The following DOCK7 variants were observed in gnomAD, a reference collection of about 807,000 sequenced individuals.
DOCK7 encodes the protein dedicator of cytokinesis protein 7.
Under a neutral mutation model 271.0 loss-of-function variants are expected in DOCK7, and 138 were observed. The observed-to-expected ratio is 0.51, with a 90% CI of 0.44 to 0.59. The LOEUF is 0.59. Ranked by LOEUF, DOCK7 falls within the 20% of genes least tolerant of loss-of-function variation. The probability of loss-of-function intolerance (pLI) is 0.00; values close to 1 mark genes in which losing one functional copy is unlikely to be tolerated. For missense variants in DOCK7, 2,066 were observed against 2,592.4 expected (o/e 0.80, Z 4.41); for synonymous variants, 823 against 876.1 (o/e 0.94, Z 1.07).
At chr1:62,604,554 G>A in intron 14 of DOCK7, 1 of 1,430,222 alleles carries the variant, frequency 7.0e-7, no homozygotes, top group Non-Finnish European at 9.8e-7. Flanking sequence ...AAGAAAGGAA[G>A]ATAAACTTAC....
chr1:62,522,458 T>C (rs1644879373), intron 31 of DOCK7, among the ~76,000 whole-genome samples: 1 of 152,056 alleles, frequency 6.6e-6, no homozygotes, highest in African/African-American at 2.4e-5. Flanking sequence ...TCAATGAATG[T>C]GGAAAAAGCA....
chr1:62,660,016 T>A (rs1266737233), intron 2 of DOCK7, among the ~76,000 whole-genome samples: 1 of 152,170 alleles, frequency 6.6e-6, no homozygotes, highest in Non-Finnish European at 1.5e-5. Context: ...TTTCTGCAGA[T>A]TCTAGAAAAT....
chr1:62,620,811 G>A (rs1653105931), intron 12 of DOCK7, among the ~76,000 whole-genome samples: 1 of 149,330 alleles, frequency 6.7e-6, no homozygotes, highest in Admixed American at 6.7e-5. Flanking sequence ...GTGAACTCGG[G>A]AGGCGGAGCT....
chr1:62,587,381 A>C (rs1036642803), intron 14 of DOCK7, among the ~76,000 whole-genome samples: 1 of 150,774 alleles, frequency 6.6e-6, no homozygotes, highest in African/African-American at 2.4e-5. Flanking sequence ...CAAGACGTTT[A>C]GTATAATAGA....
At position 62,509,622 on chromosome 1, in the gene DOCK7, AGAAAG is replaced by A. The variant is rs371967626; in HGVS notation, c.4379+950_4379+954del. 1.6e-3 allele frequency among the ~76,000 whole-genome samples: 239 copies of A among 152,264 alleles called. 2 individuals carry two copies. The highest frequency in any genetic ancestry group is 5.0e-3 in the African/African-American group (208 of 41,556). ...AATAGATTTGGACAGACGGAGAAAA[AGAAAG>A]GAAAGCACACATTCCAAGGTTAAGA... On this transcript the variant is annotated intron_variant, in intron 34 of 49. Transcript: ENST00000635253.
At chr1:62,483,058 A>C (rs1646176040) in intron 43 of DOCK7, 1 of 152,034 alleles carries the variant, frequency 6.6e-6, no homozygotes, top group African/African-American at 2.4e-5. Flanking sequence ...CACCCAGGCT[A>C]GAGTGCAGTG....
chr1:62,519,769 A>T (rs190411737), intron 31 of DOCK7, among the ~76,000 whole-genome samples: 11 of 152,238 alleles, frequency 7.2e-5, no homozygotes, highest in African/African-American at 2.6e-4. Flanking sequence ...TAAGATACAC[A>T]TTTTTTAAAA....
intron 19 of DOCK7, among the ~76,000 whole-genome samples, chr1:62,559,578 C>T (rs1238058007): frequency 6.6e-6 from 1 of 152,022 alleles, no homozygotes; most frequent in Non-Finnish European, 1.5e-5. Flanking sequence ...ATAAGGCAAA[C>T]TCATCGCCAT....
chr1:62,631,657 A>G (rs1462538801), intron 10 of DOCK7, among the ~76,000 whole-genome samples: 2 of 152,218 alleles, frequency 1.3e-5, no homozygotes, highest in African/African-American at 4.8e-5. Flanking sequence ...TCTGGGGAGA[A>G]GAGAGTAAGT....
At chr1:62,616,946 C>A (rs533682750) in intron 14 of DOCK7, among the ~76,000 whole-genome samples, 10 of 151,466 alleles carry the variant, frequency 6.6e-5, no homozygotes, top group African/African-American at 2.4e-4. Context: ...TTATACCTGG[C>A]AAAACTATTA....
intron 31 of DOCK7, among the ~76,000 whole-genome samples, chr1:62,521,857 T>C (rs1048983813): frequency 6.6e-6 from 1 of 152,128 alleles, no homozygotes; most frequent in African/African-American, 2.4e-5. Context: ...GCACCTGTAA[T>C]TCCAGCTATT....
At chr1:62,604,589 C>T (rs1650671903) in intron 14 of DOCK7, 4 of 1,566,620 alleles carry the variant, frequency 2.6e-6, no homozygotes, top group South Asian at 1.1e-5. Flanking sequence ...ACAGTAACTA[C>T]ATACGAGTCT....
At chr1:62,497,190 C>A (rs189721432) in intron 37 of DOCK7, among the ~76,000 whole-genome samples, 1 of 152,084 alleles carries the variant, frequency 6.6e-6, no homozygotes, top group African/African-American at 2.4e-5. Context: ...CCTGGTTTTC[C>A]TATTCTTTTT....
intron 18 of DOCK7, among the ~76,000 whole-genome samples, chr1:62,569,926 C>T (rs1268986417): frequency 2.0e-5 from 3 of 152,224 alleles, no homozygotes; most frequent in African/African-American, 7.2e-5. Flanking sequence ...GTTGGCCAGG[C>T]TGGTCTTGAA....
intron 14 of DOCK7, among the ~76,000 whole-genome samples, chr1:62,615,734 G>GGA (rs1652358175): frequency 6.6e-6 from 1 of 151,526 alleles, no homozygotes; most frequent in African/African-American, 2.4e-5. Context: ...TTTTTTAAAA[G>GGA]CTTCTTGCCT....
intron 20 of DOCK7, 113 bp downstream of exon 20, chr1:62,558,871 CCAAAT>C (rs2149438829): frequency 1.3e-6 from 1 of 785,976 alleles, no homozygotes; most frequent in East Asian, 2.7e-5. Flanking sequence ...ATCTTCCACC[CCAAAT>C]CAAATATAGT....
intron 43 of DOCK7, chr1:62,486,059 C>T (rs1456316834): frequency 2.0e-5 from 3 of 151,908 alleles, no homozygotes; most frequent in African/African-American, 7.2e-5. Context: ...TTATTTTATG[C>T]CTAATTTTCA....
rs148936635 is a variant in DOCK7 at position 62,685,879 on chromosome 1, T to C, written c.38+2348A>G. Among the ~76,000 whole-genome samples, 901 of 152,358 alleles carry C rather than the reference T, an allele frequency of 5.9e-3. 7 individuals are homozygous for C. Among genetic ancestry groups the C allele is most frequent in the African/African-American group, 0.02 (850 of 41,576 alleles). On this transcript the variant is annotated intron_variant, in intron 1 of 49. Transcript: ENST00000635253. ...CAATCACTACCATATCCACCTCCTG[T>C]CTGTCCAATAAGTGCACATTTCTTC...
At chr1:62,473,588 C>T (rs990465609) in intron 48 of DOCK7, among the ~76,000 whole-genome samples, 6 of 151,830 alleles carry the variant, frequency 4.0e-5, no homozygotes, top group Admixed American at 2.0e-4. Flanking sequence ...TTTGTTTTCT[C>T]TCTCTCTCTC....
Sources: gnomAD v4.1 joint callset for allele counts (sites outside exome capture counted in the v4.1 genomes callset) on GRCh38, gnomAD v4.1.1 for gene constraint, MANE v1.5 for transcripts, NCBI Gene and HGNC (gene_info 2026-07-23, HGNC 2026-07-21) for gene names.